The following MARCHF10 variants were observed in gnomAD, a reference collection of about 807,000 sequenced individuals.
The protein encoded by MARCHF10 is membrane associated ring-CH-type finger 10.
A neutral mutation model predicts 76.2 loss-of-function variants in MARCHF10; 64 were observed. The ratio of observed to expected loss-of-function variants is 0.84; its 90% CI spans 0.69 to 1.03. The LOEUF (loss-of-function observed/expected upper bound fraction) is 1.03. Among genes scored for constraint, MARCHF10 ranks in the 50% least tolerant of loss-of-function variants. The pLI is 0.00. For synonymous variants in MARCHF10, 340 were observed against 357.5 expected, an observed-to-expected ratio of 0.95 and a Z score of 0.55; for missense variants, 875 against 958.0, an observed-to-expected ratio of 0.91 and a Z score of 1.14.
intron 5 of MARCHF10, among the ~76,000 whole-genome samples, chr17:62,740,034 T>C (rs2091448243): frequency 1.3e-5 from 2 of 149,822 alleles, no homozygotes; most frequent in African/African-American, 5.0e-5. Context: ...AAAAATTCAA[T>C]CAGAGCTTCT....
intron 6 of MARCHF10, among the ~76,000 whole-genome samples, chr17:62,729,052 G>T (rs1330078742): frequency 6.6e-6 from 1 of 152,136 alleles, no homozygotes; most frequent in African/African-American, 2.4e-5. Flanking sequence ...TGATCCTCCT[G>T]CCTCAGCCTC....
At chr17:62,792,733 TCACCACCAC>T (rs1176377925) in intron 2 of MARCHF10, among the ~76,000 whole-genome samples, 1 of 60,790 alleles carries the variant, frequency 1.6e-5, no homozygotes, top group African/African-American at 6.3e-5. Context: ...ACCACCACCA[TCACCACCAC>T]CACCTCCATC....
intron 4 of MARCHF10, among the ~76,000 whole-genome samples, chr17:62,748,433 C>CAAAA (rs1198428342): frequency 1.3e-5 from 2 of 151,368 alleles, no homozygotes; most frequent in South Asian, 2.1e-4. Flanking sequence ...AACAAACAAA[C>CAAAA]AAAAAAGAGA....
intron 3 of MARCHF10, among the ~76,000 whole-genome samples, chr17:62,760,682 C>G (rs8064732): frequency 0.5 from 75,698 of 152,118 alleles, 20,357 homozygotes; most frequent in East Asian, 0.71. Flanking sequence ...TTACACCCAC[C>G]AAAGAAAGGA....
At chr17:62,756,607 T>C (rs561556888) in intron 4 of MARCHF10, among the ~76,000 whole-genome samples, 6 of 152,302 alleles carry the variant, frequency 3.9e-5, no homozygotes, top group African/African-American at 1.4e-4. Context: ...ATGCAATAAT[T>C]AATTGAGTTG....
At chr17:62,703,251 GC>G (rs1421983971) in intron 10 of MARCHF10, 2 of 152,346 alleles carry the variant, frequency 1.3e-5, no homozygotes, top group African/African-American at 4.8e-5. Flanking sequence ...CTGATGTTTT[GC>G]CTCTTTTCCT....
chr17:62,710,863 G>T (rs1251883116), intron 9 of MARCHF10, among the ~76,000 whole-genome samples: 1 of 152,038 alleles, frequency 6.6e-6, no homozygotes, highest in Non-Finnish European at 1.5e-5. Context: ...ACCCAGCCAG[G>T]TTCCTCTTTT....
At chr17:62,795,477 T>G (rs192202692) in intron 2 of MARCHF10, among the ~76,000 whole-genome samples, 22 of 151,950 alleles carry the variant, frequency 1.4e-4, no homozygotes, top group Admixed American at 1.2e-3. Context: ...TGAAATAGCA[T>G]GCAATATGCC....
At chr17:62,727,297 TGAA>T (rs1364429042) in intron 6 of MARCHF10, among the ~76,000 whole-genome samples, 4 of 152,230 alleles carry the variant, frequency 2.6e-5, no homozygotes, top group African/African-American at 9.6e-5. Flanking sequence ...CAAATAAAAG[TGAA>T]GAAGAGACAG....
chr17:62,723,581 C>T (rs1219043597), intron 7 of MARCHF10, among the ~76,000 whole-genome samples: 5 of 57,182 alleles, frequency 8.7e-5, no homozygotes, highest in Middle Eastern at 9.8e-3. Context: ...TTTTTTTTAG[C>T]GTCATTCAGT....
rs534468053 is a variant in MARCHF10, at chr17:62,733,981, G to A, written c.1937+1950C>T. 2.6e-5 allele frequency among the ~76,000 whole-genome samples: 4 copies of A among 152,232 alleles called. No homozygotes were observed. In the East Asian group the frequency reaches 7.7e-4, roughly 29 times the overall value. Reference sequence around the variant, plus strand: ...GTGGATTGCTTGAGATCAAGAGTTCGAGACCAGCCTGGCCAACATGGTGAA... The same window carrying A: ...GTGGATTGCTTGAGATCAAGAGTTCAAGACCAGCCTGGCCAACATGGTGAA... On this transcript the variant is annotated intron_variant, in intron 6 of 10. Transcript: ENST00000311269.
At chr17:62,729,132 G>A (rs548955895) in intron 6 of MARCHF10, among the ~76,000 whole-genome samples, 2 of 151,828 alleles carry the variant, frequency 1.3e-5, no homozygotes, top group African/African-American at 2.4e-5. Context: ...TTGTAGAGAC[G>A]GGGTTTTGCC....
At chr17:62,779,203 A>T (rs2092610046) in intron 3 of MARCHF10, among the ~76,000 whole-genome samples, 1 of 152,218 alleles carries the variant, frequency 6.6e-6, no homozygotes, top group Non-Finnish European at 1.5e-5. Flanking sequence ...ACAGCCTCCC[A>T]GGGTGGGGCC....
At chr17:62,704,630 A>T (rs1213769607) in intron 10 of MARCHF10, among the ~76,000 whole-genome samples, 1 of 152,210 alleles carries the variant, frequency 6.6e-6, no homozygotes, top group African/African-American at 2.4e-5. Flanking sequence ...CGGCTGTGTC[A>T]GGATCACCTG....
rs2092784733 is a variant in MARCHF10, at chr17:62,788,570, T to C, written c.120A>G (p.Arg40=). The C allele has an allele frequency of 6.2e-7, 1 of 1,614,130 alleles. No individual in the cohort carries two copies. The highest frequency in any genetic ancestry group is 8.5e-7 in the Non-Finnish European group (1 of 1,180,024). The change falls in exon 3 of 11, where the codon AGA becomes AGG. Residue 40 remains arginine (R), a synonymous_variant. Transcript: ENST00000311269. ...GATCGCGTTTCTTCTCATTTGGGTC[T>C]CTTCTATATTCCTGTCGTCTCAGAC... is the stretch of plus-strand genomic sequence containing the variant. ...QACLRRQEYR[R]DPNEKKRDQF... is the part of the protein sequence containing the mutation.
rs758300468 is a variant in MARCHF10, at chr17:62,725,074, T to A, written c.1968A>T (p.Gly656=). Residue 656 remains glycine (G), a synonymous_variant, in exon 7 of 11, where the codon GGA becomes GGT. Coordinates refer to ENST00000311269, the MANE Select transcript of MARCHF10 (RefSeq NM_152598.4). ...CTATCTGACAGATGCGACACAAGTCTCCCTCCTCCTCGGAGTCCTCCTCCA... is the reference window on the plus strand; with the variant it reads ...CTATCTGACAGATGCGACACAAGTCACCCTCCTCCTCGGAGTCCTCCTCCA... ...SLLEEDSEEE[G]DLCRICQIAG... 1 of 1,601,598 alleles carries A rather than the reference T, an allele frequency of 6.2e-7. No homozygotes were observed. The highest frequency in any genetic ancestry group is 8.5e-7 in the Non-Finnish European group (1 of 1,175,698).
At chr17:62,733,022 A>T (rs932867240) in intron 6 of MARCHF10, among the ~76,000 whole-genome samples, 3 of 151,480 alleles carry the variant, frequency 2.0e-5, no homozygotes, top group African/African-American at 7.3e-5. Flanking sequence ...AGACAACATA[A>T]AGAAAAAGAC....
chr17:62,730,267 A>G (rs1224508793), intron 6 of MARCHF10, among the ~76,000 whole-genome samples: 2 of 152,244 alleles, frequency 1.3e-5, no homozygotes, highest in African/African-American at 4.8e-5. Context: ...AATGTGTATA[A>G]TTGATGGAGC....
chr17:62,794,220 C>T (rs1432577279), intron 2 of MARCHF10, among the ~76,000 whole-genome samples: 1 of 151,442 alleles, frequency 6.6e-6, no homozygotes, highest in Non-Finnish European at 1.5e-5. Context: ...ACTACCACCT[C>T]CACCACCACC....
Sources: allele counts gnomAD v4.1 joint callset (sites outside exome capture counted in the v4.1 genomes callset), GRCh38; gene constraint gnomAD v4.1.1; transcripts MANE v1.5; gene names NCBI Gene and HGNC (gene_info 2026-07-23, HGNC 2026-07-21).